The following RGSL1 variants were observed in gnomAD, a reference collection of about 807,000 sequenced individuals.
RGSL1 encodes the protein regulator of G protein signaling protein-like.
RGSL1 carries 97 observed loss-of-function variants against 124.7 expected under a neutral mutation model. The ratio of observed to expected loss-of-function variants is 0.78; its 90% CI spans 0.66 to 0.92. RGSL1 has a LOEUF of 0.92. RGSL1 is among the 40% of genes least tolerant of loss of function. The pLI, the probability that RGSL1 is intolerant of heterozygous loss-of-function variation, is 0.00. For missense variants in RGSL1, 1,233 were observed against 1,288.4 expected, an observed-to-expected ratio of 0.96 and a Z score of 0.66; for synonymous variants, 424 against 438.1, an observed-to-expected ratio of 0.97 and a Z score of 0.40.
intron 9 of RGSL1, among the ~76,000 whole-genome samples, chr1:182,501,319 T>G (rs1323196781): frequency 9.0e-6 from 1 of 111,160 alleles, no homozygotes; most frequent in Non-Finnish European, 1.8e-5. Context: ...TTTTTTTTTT[T>G]TTTTTTTTTT....
intron 9 of RGSL1, among the ~76,000 whole-genome samples, chr1:182,511,020 C>T (rs963040740): frequency 6.6e-6 from 1 of 152,024 alleles, no homozygotes; most frequent in Non-Finnish European, 1.5e-5. Context: ...AGACCAATGT[C>T]CTGGAGCATT....
intron 19 of RGSL1, 72 bp from the exon 20 acceptor site, chr1:182,554,555 G>C: frequency 7.4e-7 from 1 of 1,349,494 alleles, no homozygotes. Flanking sequence ...TGGTCCTCCA[G>C]GGTGGAGGCC....
At chr1:182,515,419 C>T (rs770802087) in intron 9 of RGSL1, among the ~76,000 whole-genome samples, 1 of 151,724 alleles carries the variant, frequency 6.6e-6, no homozygotes, top group Non-Finnish European at 1.5e-5. Flanking sequence ...CTGCACGGAT[C>T]TGTTTAGATT....
intron 9 of RGSL1, among the ~76,000 whole-genome samples, chr1:182,509,722 C>T (rs1192098258): frequency 1.4e-5 from 2 of 140,416 alleles, no homozygotes; most frequent in African/African-American, 2.7e-5. Flanking sequence ...GGGGGCTGAC[C>T]CCCCCACCTC....
intron 4 of RGSL1, among the ~76,000 whole-genome samples, chr1:182,468,633 G>A (rs1322386086): frequency 6.6e-6 from 1 of 151,912 alleles, no homozygotes; most frequent in African/African-American, 2.4e-5. Flanking sequence ...TGAGGGGGAG[G>A]GATAGCATTA....
Position 182,526,303 on chromosome 1 carries a change from A to G in RGSL1, c.1932-1276A>G, listed in dbSNP as rs551926019. ...TCATAAGAAAAGAAAACCATAGACC[A>G]ATACTCCCTCTAGTTTCTAGATATG... On this transcript the variant is annotated intron_variant, in intron 10 of 21. Transcript: ENST00000294854. Among the ~76,000 whole-genome samples the G allele has an allele frequency of 6.6e-5, 10 of 152,290 alleles. No individual in the cohort carries two copies. The East Asian group carries it at 1.9e-3, about 29-fold the overall frequency.
intron 6 of RGSL1, among the ~76,000 whole-genome samples, chr1:182,483,147 G>A (rs1654836668): frequency 6.6e-6 from 1 of 152,080 alleles, no homozygotes; most frequent in Non-Finnish European, 1.5e-5. Flanking sequence ...CCATGTTTCA[G>A]TCACGAGAGA....
At chr1:182,504,187 G>A (rs1000854725) in intron 9 of RGSL1, among the ~76,000 whole-genome samples, 5 of 151,878 alleles carry the variant, frequency 3.3e-5, no homozygotes, top group African/African-American at 1.2e-4. Context: ...CACCATGTTG[G>A]CCAGACTGGT....
intron 6 of RGSL1, among the ~76,000 whole-genome samples, chr1:182,477,350 C>A (rs1226482126): frequency 6.6e-6 from 1 of 152,206 alleles, no homozygotes; most frequent in African/African-American, 2.4e-5. Context: ...CTGCTTAACA[C>A]CCTGTTAACG....
Position 182,460,110 on chromosome 1 carries a change from G to A in RGSL1, c.278G>A (p.Ser93Asn), listed in dbSNP as rs1254386683. ...TACATTCTCTGTCAGGAGTTCATCA[G>A]TTTCATTAAGTCCCCAGAAGGAGGT... ...FHYILCQEFI[S>N]FIKSPEGGEE... The change falls in exon 4 of 22, where the codon AGT becomes AAT. Residue 93 changes from serine (S) to asparagine (N), a missense_variant. Coordinates refer to ENST00000294854, the MANE Select transcript of RGSL1 (RefSeq NM_001137669.2). The A allele has an allele frequency of 3.9e-6, 6 of 1,551,212 alleles. No individual in the cohort carries two copies. The Admixed American group carries it at 1.2e-4, about 30-fold the overall frequency.
chr1:182,525,504 A>T (rs1283773001), intron 10 of RGSL1, among the ~76,000 whole-genome samples: 1 of 152,194 alleles, frequency 6.6e-6, no homozygotes, highest in Non-Finnish European at 1.5e-5. Context: ...GAAATGAAAA[A>T]TTTACTAGAG....
intron 6 of RGSL1, among the ~76,000 whole-genome samples, chr1:182,477,449 T>TGC (rs1654382958): frequency 6.6e-6 from 1 of 152,136 alleles, no homozygotes; most frequent in East Asian, 1.9e-4. Flanking sequence ...AGAAATATCG[T>TGC]CTGCCCTGAG....
chr1:182,520,471 C>T (rs2102232627), intron 9 of RGSL1, among the ~76,000 whole-genome samples: 1 of 152,250 alleles, frequency 6.6e-6, no homozygotes, highest in East Asian at 1.9e-4. Flanking sequence ...AGACCTATGG[C>T]TTTGTCTTGT....
At chr1:182,537,523 TA>T (rs1299993831) in intron 14 of RGSL1, among the ~76,000 whole-genome samples, 1 of 152,236 alleles carries the variant, frequency 6.6e-6, no homozygotes, top group Non-Finnish European at 1.5e-5. Context: ...AGGTGTTGGA[TA>T]TTTTTGTCTT....
rs181680533 is a variant in RGSL1, at chr1:182,546,659, G to A, written c.2670-1658G>A. Among the ~76,000 whole-genome samples, 41 of 152,196 alleles carry A rather than the reference G, an allele frequency of 2.7e-4. 1 individual carries two copies. Among genetic ancestry groups the A allele is most frequent in the African/African-American group, 7.0e-4 (29 of 41,538 alleles). On this transcript the variant is annotated intron_variant, in intron 15 of 21. Coordinates refer to ENST00000294854, the MANE Select transcript of RGSL1 (RefSeq NM_001137669.2). ...GCCTGCCTCAGCCTCTCAAAGTCCT[G>A]GAATTACAGGTGTGAGCCACTGCAC...
chr1:182,452,162 C>A (rs1174043258), intron 1 of RGSL1, among the ~76,000 whole-genome samples: 1 of 152,050 alleles, frequency 6.6e-6, no homozygotes, highest in Non-Finnish European at 1.5e-5. Flanking sequence ...ACACATTGAA[C>A]ATGTTGAGAT....
At chr1:182,557,345 C>A (rs146083135) in intron 21 of RGSL1, among the ~76,000 whole-genome samples, 1 of 152,218 alleles carries the variant, frequency 6.6e-6, no homozygotes, top group Non-Finnish European at 1.5e-5. Flanking sequence ...TAAGGCAAGA[C>A]CCCAGGTAAG....
At chr1:182,501,266 CTCTT>C (rs150226261) in intron 9 of RGSL1, among the ~76,000 whole-genome samples, 22 of 134,248 alleles carry the variant, frequency 1.6e-4, no homozygotes, top group South Asian at 1.2e-3. Flanking sequence ...CTCTCTTTCT[CTCTT>C]TCTTTCTTTT....
In RGSL1 at chr1:182,530,865, T is replaced by C; in HGVS notation, c.2319T>C (p.Ser773=). The part of the protein sequence containing the change: ...VEVQSEVQIS[S]RKPSKIVSTY... ...TGCAAAGTGAAGTACAAATTTCGTC[T>C]AGGAAGCCCTCAAAGATAGTGTCAA... Residue 773 remains serine (S), a synonymous_variant, in exon 13 of 22, where the codon TCT becomes TCC. Coordinates refer to ENST00000294854, the MANE Select transcript of RGSL1 (RefSeq NM_001137669.2). 2 of 1,550,190 alleles carry C rather than the reference T, an allele frequency of 1.3e-6. No homozygotes were observed. Among genetic ancestry groups the C allele is most frequent in the Non-Finnish European group, 1.7e-6 (2 of 1,146,142 alleles).
Sources: gnomAD v4.1 joint callset for allele counts (sites outside exome capture counted in the v4.1 genomes callset) on GRCh38, gnomAD v4.1.1 for gene constraint, MANE v1.5 for transcripts, NCBI Gene and HGNC (gene_info 2026-07-23, HGNC 2026-07-21) for gene names.